Variants in DENND5B observed in about 807,000 individuals in gnomAD.
DENND5B encodes the protein DENN domain containing 5B.
Under a neutral mutation model 140.6 loss-of-function variants are expected in DENND5B, and 34 were observed. The ratio of observed to expected loss-of-function variants is 0.24; its 90% CI spans 0.18 to 0.32. DENND5B has a LOEUF of 0.32. Among genes scored for constraint, DENND5B ranks in the 10% least tolerant of loss-of-function variants. The probability of loss-of-function intolerance (pLI) is 1.00; values close to 1 mark genes in which losing one functional copy is unlikely to be tolerated. For synonymous variants in DENND5B, 551 were observed against 562.1 expected (o/e 0.98, Z 0.28); for missense variants, 1,142 against 1,560.2 (o/e 0.73, Z 4.52).
intron 3 of DENND5B, among the ~76,000 whole-genome samples, chr12:31,472,056 C>A (rs1390170906): frequency 6.6e-6 from 1 of 152,096 alleles, no homozygotes; most frequent in Non-Finnish European, 1.5e-5. Context: ...CATCCGTTAC[C>A]CAGGGCAAAT....
At chr12:31,507,286 G>A (rs1412795652) in intron 1 of DENND5B, among the ~76,000 whole-genome samples, 1 of 151,872 alleles carries the variant, frequency 6.6e-6, no homozygotes, top group Non-Finnish European at 1.5e-5. Context: ...ACAGGTGCAC[G>A]CCACCATGCC....
intron 3 of DENND5B, among the ~76,000 whole-genome samples, chr12:31,471,841 A>G (rs1945576285): frequency 6.6e-6 from 1 of 152,124 alleles, no homozygotes; most frequent in African/African-American, 2.4e-5. Context: ...AATGAATTGA[A>G]CTGTTTTATC....
chr12:31,474,240 T>C (rs896453241), intron 3 of DENND5B, among the ~76,000 whole-genome samples: 2 of 152,046 alleles, frequency 1.3e-5, no homozygotes, highest in South Asian at 2.1e-4. Context: ...CCAAAGGAGG[T>C]AAGCAAGGCC....
chr12:31,509,240 T>C (rs1413374032), intron 1 of DENND5B, among the ~76,000 whole-genome samples: 2 of 152,094 alleles, frequency 1.3e-5, no homozygotes, highest in Non-Finnish European at 2.9e-5. Flanking sequence ...CCAAGCTCAT[T>C]TTTCCCCTCA....
intron 1 of DENND5B, among the ~76,000 whole-genome samples, chr12:31,571,169 T>C (rs1406026520): frequency 2.0e-5 from 3 of 150,968 alleles, no homozygotes; most frequent in African/African-American, 7.4e-5. Context: ...AACATCACTC[T>C]TTCTTAGCAA....
intron 1 of DENND5B, among the ~76,000 whole-genome samples, chr12:31,503,597 A>C (rs2138848626): frequency 6.6e-6 from 1 of 152,310 alleles, no homozygotes; most frequent in South Asian, 2.1e-4. Context: ...AATGAGATGC[A>C]AAGTAGGGAA....
At position 31,590,825 on chromosome 12, in the gene DENND5B, C is replaced by A; in HGVS notation, c.8G>T (p.Gly3Val). 7.9e-7 allele frequency: 1 copy of A among 1,268,650 alleles called. No homozygotes were observed. The highest frequency in any genetic ancestry group is 9.9e-7 in the Non-Finnish European group (1 of 1,011,310). 78.6% of individuals were successfully genotyped at this position (1,268,650 alleles called of 1,614,324 possible). A position where few individuals can be genotyped will look rare whatever the true frequency, so the allele number is the denominator to read the frequency against. Reference protein sequence around the residue: MSGSCAAPGPGSG... With the variant: MSVSCAAPGPGSG... ...GCCCGGGCCGGGCGCCGCGCAGCTC[C>A]CGCTCATCCCGGCCGCGCTGCTCCA... is the stretch of plus-strand genomic sequence containing the variant. The change falls in exon 1 of 21, where the codon GGG becomes GTG. Residue 3 changes from glycine (G) to valine (V), a missense_variant. Physicochemically the swap from Gly to Val is moderately radical, Grantham distance 109 (BLOSUM62 -3). Transcript: ENST00000389082.
intron 1 of DENND5B, among the ~76,000 whole-genome samples, chr12:31,518,036 C>T (rs373726342): frequency 3.9e-5 from 6 of 152,088 alleles, no homozygotes; most frequent in East Asian, 3.9e-4. Flanking sequence ...GGTAGATCTG[C>T]GGGCAGTCTC....
intron 1 of DENND5B, among the ~76,000 whole-genome samples, chr12:31,532,327 G>A (rs929351384): frequency 2.0e-5 from 3 of 152,266 alleles, no homozygotes; most frequent in African/African-American, 7.2e-5. Flanking sequence ...AATGTGTCTG[G>A]AGGGCAAAGA....
intron 12 of DENND5B, among the ~76,000 whole-genome samples, chr12:31,414,307 T>G (rs1436533754): frequency 6.6e-6 from 1 of 152,186 alleles, no homozygotes; most frequent in African/African-American, 2.4e-5. Flanking sequence ...GCCTTCCTCA[T>G]TCAATAAATC....
At chr12:31,406,146 A>T (rs75892337) in intron 14 of DENND5B, among the ~76,000 whole-genome samples, 6 of 145,894 alleles carry the variant, frequency 4.1e-5, no homozygotes, top group Non-Finnish European at 9.1e-5. Flanking sequence ...ATGCCCAGCC[A>T]TTTTTTTTTT....
intron 10 of DENND5B, 94 bp downstream of exon 10, chr12:31,424,441 C>T: frequency 7.3e-7 from 1 of 1,364,744 alleles, no homozygotes; most frequent in Non-Finnish European, 9.7e-7. Flanking sequence ...GACAAAAGAG[C>T]CTATTTTTTT....
chr12:31,390,677 C>T (rs111886875), intron 19 of DENND5B, among the ~76,000 whole-genome samples: 2,536 of 151,264 alleles, frequency 0.017, 72 homozygotes, highest in African/African-American at 0.058. Context: ...TTTTAAATGG[C>T]TATATGTGGC....
intron 1 of DENND5B, among the ~76,000 whole-genome samples, chr12:31,560,115 T>C (rs1206961204): frequency 6.6e-6 from 1 of 152,178 alleles, no homozygotes; most frequent in Non-Finnish European, 1.5e-5. Context: ...TAATGTATAA[T>C]TCCAGCTCAG....
intron 14 of DENND5B, among the ~76,000 whole-genome samples, chr12:31,405,879 T>A (rs528949565): frequency 7.8e-4 from 118 of 151,524 alleles, no homozygotes; most frequent in African/African-American, 2.4e-3. Context: ...GAAGTCTTGT[T>A]CTGATGCCCA....
At chr12:31,432,061 G>T in intron 8 of DENND5B, 1 of 985,228 alleles carries the variant, frequency 1.0e-6, no homozygotes, top group African/African-American at 1.7e-5. Context: ...ACTCAGAGAA[G>T]GATTTTTTAG....
At chr12:31,570,588 T>TAA (rs59970924) in intron 1 of DENND5B, among the ~76,000 whole-genome samples, 15,829 of 140,718 alleles carry the variant, frequency 0.11, 1,053 homozygotes, top group East Asian at 0.26. Context: ...AAATTCTCTT[T>TAA]AAAAAAAAAA....
intron 1 of DENND5B, among the ~76,000 whole-genome samples, chr12:31,543,533 T>G (rs1196615507): frequency 6.6e-6 from 1 of 152,144 alleles, no homozygotes; most frequent in Non-Finnish European, 1.5e-5. Flanking sequence ...TGCTACCATT[T>G]TGAAAAAAGG....
chr12:31,448,221 G>A (rs1002629489), intron 5 of DENND5B, among the ~76,000 whole-genome samples: 11 of 151,004 alleles, frequency 7.3e-5, no homozygotes, highest in African/African-American at 2.7e-4. Flanking sequence ...GCAAGCTCCC[G>A]CCTCCCGGGT....
Sources: gnomAD v4.1 joint callset for allele counts (sites outside exome capture counted in the v4.1 genomes callset) on GRCh38, gnomAD v4.1.1 for gene constraint, MANE v1.5 for transcripts, NCBI Gene and HGNC (gene_info 2026-07-23, HGNC 2026-07-21) for gene names.